SDC2: variants seen among roughly 807,000 people sequenced by gnomAD.
SDC2 encodes the protein syndecan 2.
SDC2 carries 13 observed loss-of-function variants against 22.2 expected under a neutral mutation model. The observed-to-expected ratio is 0.59, with a 90% CI of 0.38 to 0.93. The LOEUF (loss-of-function observed/expected upper bound fraction) is 0.93. Among genes scored for constraint, SDC2 ranks in the 40% least tolerant of loss-of-function variants. SDC2 has a pLI of 0.00. For synonymous variants in SDC2, 94 were observed against 92.8 expected (o/e 1.01, Z -0.07); for missense variants, 235 against 246.8 (o/e 0.95, Z 0.32).
intron 1 of SDC2, among the ~76,000 whole-genome samples, chr8:96,557,770 T>TATA (rs897006574): frequency 2.6e-5 from 4 of 151,898 alleles, no homozygotes; most frequent in African/African-American, 9.7e-5. Context: ...AAACTTAAAG[T>TATA]ATAATAATAA....
At chr8:96,535,667 G>A (rs1191078381) in intron 1 of SDC2, among the ~76,000 whole-genome samples, 2 of 152,214 alleles carry the variant, frequency 1.3e-5, no homozygotes, top group Non-Finnish European at 2.9e-5. Flanking sequence ...TAAATGTGAG[G>A]TGTCTGTATT....
At chr8:96,589,291 G>A (rs1814737329) in intron 1 of SDC2, among the ~76,000 whole-genome samples, 1 of 152,192 alleles carries the variant, frequency 6.6e-6, no homozygotes, top group Non-Finnish European at 1.5e-5. Context: ...ATTGGTGCCT[G>A]GGGTTTGGGT....
At chr8:96,544,045 CTA>C (rs1374612032) in intron 1 of SDC2, among the ~76,000 whole-genome samples, 2 of 152,176 alleles carry the variant, frequency 1.3e-5, no homozygotes, top group Non-Finnish European at 2.9e-5. Flanking sequence ...TCTTCTGACT[CTA>C]TGTCCATCAC....
At chr8:96,553,979 G>A (rs186343546) in intron 1 of SDC2, among the ~76,000 whole-genome samples, 64 of 152,006 alleles carry the variant, frequency 4.2e-4, no homozygotes, top group African/African-American at 1.3e-3. Flanking sequence ...TAGTAGAGAC[G>A]GGGTTTCACC....
At chr8:96,524,520 C>T (rs888343334) in intron 1 of SDC2, among the ~76,000 whole-genome samples, 2 of 152,156 alleles carry the variant, frequency 1.3e-5, no homozygotes, top group Non-Finnish European at 1.5e-5. Flanking sequence ...AGGGTATCAA[C>T]TCCTCTGGTT....
At chr8:96,498,773 A>C (rs1934034391) in intron 1 of SDC2, among the ~76,000 whole-genome samples, 1 of 152,220 alleles carries the variant, frequency 6.6e-6, no homozygotes, top group Non-Finnish European at 1.5e-5. Flanking sequence ...TATAGACGTG[A>C]GCCACTATGC....
chr8:96,588,825 C>T (rs1311213543), intron 1 of SDC2, among the ~76,000 whole-genome samples: 1 of 152,184 alleles, frequency 6.6e-6, no homozygotes, highest in Admixed American at 6.5e-5. Context: ...ATGTGCAGGA[C>T]CTCTGCTTAG....
intron 2 of SDC2, among the ~76,000 whole-genome samples, chr8:96,595,907 A>G (rs1158531390): frequency 2.0e-5 from 3 of 152,224 alleles, no homozygotes; most frequent in African/African-American, 7.2e-5. Flanking sequence ...CCATGGCCCT[A>G]GCCTTAGGCA....
At chr8:96,511,414 C>T (rs532172808) in intron 1 of SDC2, among the ~76,000 whole-genome samples, 29 of 152,106 alleles carry the variant, frequency 1.9e-4, no homozygotes, top group African/African-American at 9.7e-5. Context: ...CTTACTGAAT[C>T]GTATTTAAGT....
At chr8:96,507,289 C>T (rs1308278527) in intron 1 of SDC2, among the ~76,000 whole-genome samples, 1 of 152,226 alleles carries the variant, frequency 6.6e-6, no homozygotes, top group Non-Finnish European at 1.5e-5. Flanking sequence ...TCTACTCCCT[C>T]ATTCCCCACA....
intron 1 of SDC2, among the ~76,000 whole-genome samples, chr8:96,544,483 T>C (rs922044198): frequency 3.3e-5 from 5 of 152,192 alleles, no homozygotes; most frequent in African/African-American, 1.2e-4. Flanking sequence ...TGCTGCCGCC[T>C]CAATGATGTT....
chr8:96,592,296 G>A (rs1023258268), intron 1 of SDC2, among the ~76,000 whole-genome samples: 11 of 152,346 alleles, frequency 7.2e-5, no homozygotes, highest in Non-Finnish European at 7.3e-5. Flanking sequence ...GGTTGGACCT[G>A]TCCTCTTAGG....
At chr8:96,565,269 TAG>T (rs1281353602) in intron 1 of SDC2, among the ~76,000 whole-genome samples, 2 of 151,122 alleles carry the variant, frequency 1.3e-5, no homozygotes, top group African/African-American at 2.4e-5. Flanking sequence ...TGTATTTTAG[TAG>T]AGACAGGGTT....
intron 1 of SDC2, among the ~76,000 whole-genome samples, chr8:96,533,085 G>A (rs555412268): frequency 1.3e-5 from 2 of 152,294 alleles, no homozygotes; most frequent in South Asian, 2.1e-4. Context: ...CCTTCTGGTG[G>A]GTGCTTGGTC....
At position 96,583,317 on chromosome 8, in the gene SDC2, A is replaced by AAT. The variant is rs956957139; in HGVS notation, c.61-10154_61-10153dup. 2.7e-5 allele frequency among the ~76,000 whole-genome samples: 4 copies of AAT among 147,154 alleles called. No homozygotes were observed. The East Asian group carries it at 5.9e-4, about 22-fold the overall frequency. ...AATATACAATATATATGATATATGT[A>AAT]ATATATATATTATATATCACATATA... On this transcript the variant is annotated intron_variant, in intron 1 of 4. Coordinates refer to ENST00000302190, the MANE Select transcript of SDC2 (RefSeq NM_002998.4).
At chr8:96,521,551 T>G (rs1406588572) in intron 1 of SDC2, among the ~76,000 whole-genome samples, 1 of 152,198 alleles carries the variant, frequency 6.6e-6, no homozygotes, top group Non-Finnish European at 1.5e-5. Flanking sequence ...TTATCTGTGT[T>G]GTAAGAAAAG....
chr8:96,521,421 C>G (rs1813495696), intron 1 of SDC2, among the ~76,000 whole-genome samples: 1 of 152,170 alleles, frequency 6.6e-6, no homozygotes, highest in South Asian at 2.1e-4. Context: ...GGAGACTGCT[C>G]TGAAAACAAG....
intron 1 of SDC2, among the ~76,000 whole-genome samples, chr8:96,512,939 A>G (rs1813349801): frequency 1.3e-5 from 2 of 152,226 alleles, no homozygotes; most frequent in South Asian, 4.1e-4. Flanking sequence ...GAGATGATGA[A>G]TTGAACTTGT....
intron 3 of SDC2, among the ~76,000 whole-genome samples, chr8:96,602,837 A>C (rs949219795): frequency 6.6e-6 from 1 of 152,186 alleles, no homozygotes; most frequent in East Asian, 1.9e-4. Context: ...TTCTTAAGGA[A>C]CGTCTGAAGC....
Sources: allele counts gnomAD v4.1 joint callset (sites outside exome capture counted in the v4.1 genomes callset), GRCh38; gene constraint gnomAD v4.1.1; transcripts MANE v1.5; gene names NCBI Gene and HGNC (gene_info 2026-07-23, HGNC 2026-07-21).